ANKIB1: variants seen among roughly 807,000 people sequenced by gnomAD.
The protein encoded by ANKIB1 is ankyrin repeat and IBR domain containing 1, also known as ankyrin repeat and IBR domain-containing protein 1.
ANKIB1 carries 43 observed loss-of-function variants against 122.1 expected under a neutral mutation model. The ratio of observed to expected loss-of-function variants is 0.35; its 90% confidence interval spans 0.28 to 0.45. The LOEUF (loss-of-function observed/expected upper bound fraction) is 0.45, where lower values mean the gene tolerates loss of function less well. ANKIB1 is among the 20% of genes least tolerant of loss of function. The pLI is 1.00. For synonymous variants in ANKIB1, 390 were observed against 442.0 expected (o/e 0.88, Z 1.48); for missense variants, 992 against 1,329.5 (o/e 0.75, Z 3.95).
chr7:92,359,450 T>G (rs1238029812), intron 9 of ANKIB1, among the ~76,000 whole-genome samples: 1 of 152,246 alleles, frequency 6.6e-6, no homozygotes, highest in African/African-American at 2.4e-5. Context: ...ATGTGCCACA[T>G]TTTCTTAATC....
chr7:92,396,386 C>G lies in ANKIB1; in HGVS notation c.2305C>G (p.Arg769Gly), dbSNP rs547575488. The G allele has an allele frequency of 1.3e-5, 21 of 1,587,306 alleles. No individual in the cohort carries two copies. The highest frequency in any genetic ancestry group is 1.8e-5 in the Non-Finnish European group (21 of 1,163,682). Residue 769 changes from arginine to glycine, a missense_variant, in exon 18 of 20, where the codon CGG becomes GGG. Arg to Gly is a moderately radical substitution (Grantham distance 125). Transcript: ENST00000265742. Reference sequence around the variant, plus strand: ...GCAGGAATATGCTGAATTTCAGTATCGGAGGAGGCACAGACAACGTCGTCG... The same window carrying G: ...GCAGGAATATGCTGAATTTCAGTATGGGAGGAGGCACAGACAACGTCGTCG... ...SPEEYAEFQY[R>G]RRHRQRRRGD...
intron 2 of ANKIB1, among the ~76,000 whole-genome samples, chr7:92,306,971 T>C (rs1302336516): frequency 1.3e-5 from 2 of 152,150 alleles, no homozygotes; most frequent in Admixed American, 6.5e-5. Context: ...AATTAAAAAT[T>C]AGTGTGGAAT....
rs773905929 is a variant in ANKIB1, at chr7:92,398,550, C to G, written c.2871C>G (p.Asp957Glu). 5.0e-6 allele frequency: 8 copies of G among 1,613,992 alleles called. No homozygotes were observed. Among genetic ancestry groups the G allele is most frequent in the Non-Finnish European group, 6.8e-6 (8 of 1,179,872 alleles). Residue 957 changes from aspartate to glutamate, a missense_variant, in exon 20 of 20, where the codon GAC becomes GAG. Around this residue, in one of 4 missense-constraint regions of ANKIB1, gnomAD observed 384 missense variants for 412.0 expected, o/e 0.93. Coordinates refer to ENST00000265742, the MANE Select transcript of ANKIB1 (RefSeq NM_019004.2). ...TCTGTCCCTCATCTAGTGATCCTGA[C>G]TCAGCTGGCCAGGACCCCAACATCA... ...SDFCPSSSDPDSAGQDPNIND... is the reference protein window; with the variant it reads ...SDFCPSSSDPESAGQDPNIND...
In ANKIB1 at chr7:92,398,639, T is replaced by G. The variant is rs1486073751; in HGVS notation, c.2960T>G (p.Leu987Arg). The G allele has an allele frequency of 1.2e-6, 2 of 1,613,862 alleles. No homozygotes were observed. The highest frequency in any genetic ancestry group is 3.3e-5 in the Admixed American group (2 of 60,004). Residue 987 changes from leucine to arginine, a missense_variant, in exon 20 of 20, where the codon CTG becomes CGG. By Grantham distance (102) the Leu-to-Arg change is moderately radical. Coordinates refer to ENST00000265742, the MANE Select transcript of ANKIB1 (RefSeq NM_019004.2). Reference protein sequence around the residue: ...FHDMNPQSIALIPPATTEISA... With the variant: ...FHDMNPQSIARIPPATTEISA... ...GACATGAACCCTCAGAGTATTGCCC[T>G]GATTCCTCCAGCAACTACAGAAATC... is the stretch of plus-strand genomic sequence containing the variant.
chr7:92,355,222 G>A (rs1803770291), intron 9 of ANKIB1, among the ~76,000 whole-genome samples: 1 of 152,090 alleles, frequency 6.6e-6, no homozygotes, highest in Non-Finnish European at 1.5e-5. Flanking sequence ...TCAAAACTTA[G>A]ATGGGTTCTG....
chr7:92,319,703 C>T, intron 4 of ANKIB1, 191 bp downstream of exon 4: 1 of 574,572 alleles, frequency 1.7e-6, no homozygotes, highest in Non-Finnish European at 2.9e-6. Context: ...CCTGTAGTTC[C>T]AGTGCTTTGG....
intron 1 of ANKIB1, among the ~76,000 whole-genome samples, chr7:92,258,192 T>C (rs1382726508): frequency 1.3e-5 from 2 of 152,206 alleles, no homozygotes; most frequent in African/African-American, 2.4e-5. Flanking sequence ...GAGGGGATAC[T>C]TATCTTTTAA....
chr7:92,352,476 G>T lies in ANKIB1; in HGVS notation c.1231G>T (p.Ala411Ser). Residue 411 changes from alanine to serine, a missense_variant and splice_region_variant, in exon 9 of 20, where the codon GCC becomes TCC. Physicochemically the swap from Ala to Ser is moderately conservative, Grantham distance 99. Coordinates refer to ENST00000265742, the MANE Select transcript of ANKIB1 (RefSeq NM_019004.2). ...DKRYLQFDIK[A>S]FVENNPAIKW... ...TGTTTTGTTATTGCTGTTTAAACAG[G>T]CCTTTGTTGAAAATAATCCTGCCAT... is the stretch of plus-strand genomic sequence containing the variant. 1 of 1,612,658 alleles carries T rather than the reference G, an allele frequency of 6.2e-7. No individual in the cohort carries two copies. Among genetic ancestry groups the T allele is most frequent in the Non-Finnish European group, 8.5e-7 (1 of 1,179,530 alleles).
rs767152745 is a variant in ANKIB1, at chr7:92,307,498, G to T, written c.328G>T (p.Asp110Tyr). Reference protein sequence around the residue: ...HPRLARPTEDDFRRADCLQMI... With the variant: ...HPRLARPTEDYFRRADCLQMI... The stretch of plus-strand genomic sequence containing the variant: ...TCGCTTGGCACGCCCCACAGAAGAT[G>T]ATTTCAGAAGAGCAGATTGTCTGCA... Residue 110 changes from aspartate to tyrosine, a missense_variant, in exon 3 of 20, where the codon GAT becomes TAT. Coordinates refer to ENST00000265742, the MANE Select transcript of ANKIB1 (RefSeq NM_019004.2). 6.2e-7 allele frequency: 1 copy of T among 1,613,876 alleles called. No individual in the cohort carries two copies. Among genetic ancestry groups the T allele is most frequent in the Non-Finnish European group, 8.5e-7 (1 of 1,179,874 alleles).
chr7:92,342,854 A>C (rs1803465826), intron 5 of ANKIB1, among the ~76,000 whole-genome samples, 170 bp from the exon 6 acceptor site: 1 of 152,248 alleles, frequency 6.6e-6, no homozygotes, highest in African/African-American at 2.4e-5. Flanking sequence ...TTTGTGTAAA[A>C]ACGCTAATAA....
At chr7:92,259,765 C>T (rs1801521407) in intron 1 of ANKIB1, among the ~76,000 whole-genome samples, 1 of 152,184 alleles carries the variant, frequency 6.6e-6, no homozygotes, top group African/African-American at 2.4e-5. Context: ...TCACCTCCCG[C>T]AGTCTTCCTC....
chr7:92,277,571 A>G (rs1330881723), intron 1 of ANKIB1, among the ~76,000 whole-genome samples: 1 of 152,212 alleles, frequency 6.6e-6, no homozygotes, highest in African/African-American at 2.4e-5. Context: ...AAATACAGTC[A>G]GTTCCAAACA....
chr7:92,269,900 A>C (rs1801749852), intron 1 of ANKIB1, among the ~76,000 whole-genome samples: 1 of 151,744 alleles, frequency 6.6e-6, no homozygotes, highest in Non-Finnish European at 1.5e-5. Flanking sequence ...GCACCCATCA[A>C]TTCATCATTT....
rs560534090 is a variant in ANKIB1 at position 92,322,915 on chromosome 7, ATTAT to A, written c.669+3407_669+3410del. Among the ~76,000 whole-genome samples the A allele has an allele frequency of 2.5e-4, 38 of 152,270 alleles. No individual in the cohort carries two copies. The South Asian group carries it at 7.9e-3, about 32-fold the overall frequency. On this transcript the variant is annotated intron_variant, in intron 4 of 19. Coordinates refer to ENST00000265742, the MANE Select transcript of ANKIB1 (RefSeq NM_019004.2). ...TGACTTACTATGTGACCTTGAGCAGATTATTTAAACTCTCTGCCTCAGTCTCTTC... is the reference window on the plus strand; with the variant it reads ...TGACTTACTATGTGACCTTGAGCAGATTAAACTCTCTGCCTCAGTCTCTTC...
At chr7:92,258,382 C>T (rs1435759919) in intron 1 of ANKIB1, among the ~76,000 whole-genome samples, 2 of 152,210 alleles carry the variant, frequency 1.3e-5, no homozygotes. Context: ...GTGTATCACA[C>T]TCACCTGGAA....
intron 9 of ANKIB1, among the ~76,000 whole-genome samples, chr7:92,354,896 C>CA (rs1803758347): frequency 6.6e-6 from 1 of 152,130 alleles, no homozygotes; most frequent in South Asian, 2.1e-4. Context: ...TCTCCTTCTT[C>CA]AAAATCTCAG....
intron 5 of ANKIB1, among the ~76,000 whole-genome samples, chr7:92,335,791 C>T (rs1803275638): frequency 6.6e-6 from 1 of 151,768 alleles, no homozygotes; most frequent in Non-Finnish European, 1.5e-5. Context: ...GGATTTAGGT[C>T]TTCCATTTCA....
rs535788015 is a variant in ANKIB1, at chr7:92,302,343, T to C, written c.189-5016T>C. On this transcript the variant is annotated intron_variant, in intron 2 of 19. Transcript: ENST00000265742. ...GTTTGGAATAAGACCTTGATTTTTTTCCCCATTTCCTTTAGCTATATGGTA... is the reference window on the plus strand; with the variant it reads ...GTTTGGAATAAGACCTTGATTTTTTCCCCCATTTCCTTTAGCTATATGGTA... Among the ~76,000 whole-genome samples the C allele has an allele frequency of 3.9e-5, 6 of 152,330 alleles. No individual in the cohort carries two copies. The South Asian group carries it at 6.2e-4, about 16-fold the overall frequency.
At chr7:92,283,486 A>G (rs188986060) in intron 1 of ANKIB1, among the ~76,000 whole-genome samples, 14 of 152,276 alleles carry the variant, frequency 9.2e-5, no homozygotes, top group African/African-American at 3.4e-4. Flanking sequence ...ATTTCAGACT[A>G]AGACCTCTTT....
Sources: allele counts gnomAD v4.1 joint callset (sites outside exome capture counted in the v4.1 genomes callset), GRCh38; gene constraint gnomAD v4.1.1; regional missense constraint gnomAD v4.1.1; transcripts MANE v1.5; gene names NCBI Gene and HGNC (gene_info 2026-07-23, HGNC 2026-07-21).